TSPAN1: variants seen among roughly 807,000 people sequenced by gnomAD.
TSPAN1 encodes tetraspanin-1.
In TSPAN1, 23 loss-of-function variants were observed where a neutral mutation model predicts 26.9. The ratio of observed to expected loss-of-function variants is 0.85; its 90% CI spans 0.62 to 1.21. TSPAN1 has a LOEUF of 1.21. Among genes scored for constraint, TSPAN1 ranks in the 50% most tolerant of loss-of-function variants. The pLI, the probability that TSPAN1 is intolerant of heterozygous loss-of-function variation, is 0.00. For missense variants in TSPAN1, 283 were observed against 298.4 expected (o/e 0.95, Z 0.38); for synonymous variants, 115 against 114.8 (o/e 1.00, Z -0.01).
chr1:46,191,133 G>C, the TSPAN1 span: 2 of 354,834 alleles, frequency 5.6e-6, no homozygotes, highest in Non-Finnish European at 1.1e-5. Context: ...TGGGCAAAGG[G>C]ACGGGCTGGG....
chr1:46,187,674 A>G (rs1657464968), downstream of TSPAN1, among the ~76,000 whole-genome samples: 1 of 152,174 alleles, frequency 6.6e-6, no homozygotes. Flanking sequence ...GCCTGTGTGG[A>G]GGCTGCATGG....
At position 46,179,964 on chromosome 1, in the gene TSPAN1, A is replaced by AGTGTGTGTGTGTGTGTGTGT. The variant is rs141816531; in HGVS notation, c.-141-557_-141-538dup. On this transcript the variant is annotated intron_variant, in intron 1 of 8. Coordinates refer to ENST00000372003, the MANE Select transcript of TSPAN1 (RefSeq NM_005727.4). Reference sequence around the variant, plus strand: ...GAGAGACAGAGAAAGAGAAAGAGGGAGTGTGTGTGTGTGTGTGTGTGTGTT... The same window carrying AGTGTGTGTGTGTGTGTGTGT: ...GAGAGACAGAGAAAGAGAAAGAGGGAGTGTGTGTGTGTGTGTGTGTGTGTGTGTGTGTGTGTGTGTGTGTT... Among the ~76,000 whole-genome samples the AGTGTGTGTGTGTGTGTGTGT allele has an allele frequency of 3.6e-3, 533 of 146,852 alleles. 4 individuals are homozygous for AGTGTGTGTGTGTGTGTGTGT. The highest frequency in any genetic ancestry group is 0.013 in the African/African-American group (500 of 39,790).
chr1:46,182,868 G>A (rs866365341), intron 3 of TSPAN1, among the ~76,000 whole-genome samples: 37 of 152,202 alleles, frequency 2.4e-4, no homozygotes, highest in Middle Eastern at 6.8e-3. Flanking sequence ...GAGTGCAGTG[G>A]CATGATCATG....
intron 1 of TSPAN1, among the ~76,000 whole-genome samples, chr1:46,178,645 C>T (rs1657242561): frequency 6.6e-6 from 1 of 152,206 alleles, no homozygotes; most frequent in Non-Finnish European, 1.5e-5. Context: ...TTCCTCAGGT[C>T]AGACCAAGGC....
downstream of TSPAN1, among the ~76,000 whole-genome samples, chr1:46,186,687 A>G (rs1571641429): frequency 2.4e-5 from 2 of 85,076 alleles, no homozygotes; most frequent in African/African-American, 9.3e-5. Flanking sequence ...TTTTTTTGAG[A>G]GAGTCTCGCT....
chr1:46,177,521 G>A (rs1019965481), intron 1 of TSPAN1, among the ~76,000 whole-genome samples: 1 of 152,074 alleles, frequency 6.6e-6, no homozygotes, highest in Non-Finnish European at 1.5e-5. Context: ...AAAGACTAGA[G>A]AGCACTTCAG....
chr1:46,194,557 T>C, the TSPAN1 span: 27 of 1,614,120 alleles, frequency 1.7e-5, no homozygotes, highest in Admixed American at 4.0e-4. Context: ...CTCCACCTTC[T>C]GCTGAGCTCA....
chr1:46,184,813 T>C lies in TSPAN1; in HGVS notation c.368T>C (p.Val123Ala), dbSNP rs1657391242. ...GAGCACTTCCTGACGTTGCTGGTAG[T>C]GCCTGCCATCAAGAAAGATTATGGT... ...MAEHFLTLLV[V>A]PAIKKDYGSQ... The change falls in exon 6 of 9, where the codon GTG becomes GCG. Residue 123 changes from valine to alanine, a missense_variant. Physicochemically the swap from Val to Ala is moderately conservative, Grantham distance 64 (BLOSUM62 0). Coordinates refer to ENST00000372003, the MANE Select transcript of TSPAN1 (RefSeq NM_005727.4). 2 of 1,614,210 alleles carry C rather than the reference T, an allele frequency of 1.2e-6. No homozygotes were observed. Among genetic ancestry groups the C allele is most frequent in the Non-Finnish European group, 1.7e-6 (2 of 1,180,038 alleles).
chr1:46,184,845 G>A lies in TSPAN1; in HGVS notation c.400G>A (p.Glu134Lys), dbSNP rs1657392122. The change falls in exon 6 of 9, where the codon GAA becomes AAA. Residue 134 changes from glutamate to lysine, a missense_variant. Coordinates refer to ENST00000372003, the MANE Select transcript of TSPAN1 (RefSeq NM_005727.4). ...PAIKKDYGSQ[E>K]DFTQVWNTTM... ...CATCAAGAAAGATTATGGTTCCCAG[G>A]AAGACTTCACTCAAGTGTGGAACAC... 4 of 1,614,216 alleles carry A rather than the reference G, an allele frequency of 2.5e-6. No individual in the cohort carries two copies. The highest frequency in any genetic ancestry group is 3.4e-6 in the Non-Finnish European group (4 of 1,180,036).
intron 3 of TSPAN1, 144 bp downstream of exon 3, chr1:46,181,308 C>T (rs969960987): frequency 2.6e-6 from 2 of 781,556 alleles, no homozygotes; most frequent in African/African-American, 3.5e-5. Flanking sequence ...GCAAAGGTCT[C>T]CCCAAATGCT....
the TSPAN1 span, chr1:46,193,580 A>T: frequency 6.2e-7 from 1 of 1,614,202 alleles, no homozygotes; most frequent in Non-Finnish European, 8.5e-7. Flanking sequence ...GTAGCCGTCA[A>T]TGAAAACTGT....
chr1:46,188,713 A>G (rs746012169), downstream of TSPAN1: 3 of 1,599,802 alleles, frequency 1.9e-6, no homozygotes, highest in Non-Finnish European at 1.7e-6. Flanking sequence ...TTAATCAATG[A>G]CCAACTTATC....
the TSPAN1 span, chr1:46,194,449 T>C: frequency 6.2e-7 from 1 of 1,613,942 alleles, no homozygotes; most frequent in Non-Finnish European, 8.5e-7. Context: ...CAGCAAGGTT[T>C]GAAGAGCCCC....
At chr1:46,182,141 G>A (rs1341036000) in intron 3 of TSPAN1, among the ~76,000 whole-genome samples, 1 of 151,332 alleles carries the variant, frequency 6.6e-6, no homozygotes, top group Non-Finnish European at 1.5e-5. Flanking sequence ...TGTGGGAAGG[G>A]GTGTCCCACT....
At chr1:46,184,701 T>C (rs766393208) in intron 5 of TSPAN1, 33 bp downstream of exon 5, 2 of 1,614,054 alleles carry the variant, frequency 1.2e-6, no homozygotes, top group African/African-American at 2.7e-5. Flanking sequence ...GGGAAGAAGA[T>C]TGGGCAAAAC....
chr1:46,190,582 A>T, downstream of TSPAN1: 1 of 1,538,128 alleles, frequency 6.5e-7, no homozygotes, highest in African/African-American at 1.4e-5. Flanking sequence ...GGTAGCACTG[A>T]GCAGGGCAAG....
chr1:46,190,434 C>A, downstream of TSPAN1: 1 of 1,545,236 alleles, frequency 6.5e-7, no homozygotes. Context: ...GTATTTGACT[C>A]TTTGCTCCCT....
chr1:46,194,538 C>T, the TSPAN1 span: 1 of 1,614,104 alleles, frequency 6.2e-7, no homozygotes, highest in Non-Finnish European at 8.5e-7. Flanking sequence ...CCCATCCATG[C>T]TCCACTAACT....
chr1:46,181,015 T>C, intron 2 of TSPAN1, 85 bp from the exon 3 acceptor site: 1 of 1,168,792 alleles, frequency 8.6e-7, no homozygotes. Flanking sequence ...GGGTCTGGCA[T>C]ATCTGGCTGA....
Sources: allele counts gnomAD v4.1 joint callset (sites outside exome capture counted in the v4.1 genomes callset), GRCh38; gene constraint gnomAD v4.1.1; transcripts MANE v1.5; gene names NCBI Gene and HGNC (gene_info 2026-07-23, HGNC 2026-07-21).